Variants in FARP1 observed in about 807,000 individuals in gnomAD.
The protein encoded by FARP1 is FERM, ARHGEF and pleckstrin domain-containing protein 1.
A neutral mutation model predicts 128.8 loss-of-function variants in FARP1; 52 were observed. The observed-to-expected ratio is 0.40, with a 90% CI of 0.32 to 0.51. FARP1 has a LOEUF of 0.51. FARP1 is among the 20% of genes least tolerant of loss of function. FARP1 has a pLI of 0.45. For synonymous variants in FARP1, 580 were observed against 551.8 expected, an observed-to-expected ratio of 1.05 and a Z score of -0.72; for missense variants, 1,333 against 1,367.9, an observed-to-expected ratio of 0.97 and a Z score of 0.40.
At chr13:98,303,656 G>A (rs1365731494) in intron 2 of FARP1, among the ~76,000 whole-genome samples, 1 of 152,124 alleles carries the variant, frequency 6.6e-6, no homozygotes, top group Non-Finnish European at 1.5e-5. Flanking sequence ...ACATACAAAT[G>A]GCTTCATGGC....
At chr13:98,430,348 G>A (rs9554468) in intron 17 of FARP1, among the ~76,000 whole-genome samples, 45,624 of 152,164 alleles carry the variant, frequency 0.3, 7,296 homozygotes, top group Non-Finnish European at 0.35. Flanking sequence ...AAGCAAACTC[G>A]GTTTTTGTGT....
intron 2 of FARP1, among the ~76,000 whole-genome samples, chr13:98,256,265 T>A (rs774796172): frequency 2.0e-5 from 3 of 152,242 alleles, no homozygotes; most frequent in Non-Finnish European, 2.9e-5. Flanking sequence ...TTTTAGGTAA[T>A]GAATCAGTAT....
intron 1 of FARP1, among the ~76,000 whole-genome samples, chr13:98,165,550 A>G (rs1220361254): frequency 1.3e-5 from 2 of 152,002 alleles, no homozygotes; most frequent in African/African-American, 4.8e-5. Context: ...TGTTACACAA[A>G]TAATGAAAAT....
At chr13:98,419,707 G>A (rs1199569605) in intron 16 of FARP1, among the ~76,000 whole-genome samples, 1 of 152,102 alleles carries the variant, frequency 6.6e-6, no homozygotes, top group Non-Finnish European at 1.5e-5. Flanking sequence ...GAATAGTGAG[G>A]ACAATGATGT....
rs557362671 is a variant in FARP1 at position 98,449,267 on chromosome 13, A to C, written c.*950A>C. ...GTCGTTATTCCTATATCCTCCTGCA[A>C]CTGTGGTTTGAAACTGCGCATTCTC... On this transcript the variant is annotated 3_prime_UTR_variant, in exon 27 of 27. Coordinates refer to ENST00000319562, the MANE Select transcript of FARP1 (RefSeq NM_005766.4). 6.6e-6 allele frequency: 1 copy of C among 152,216 alleles called. No individual in the cohort carries two copies. Among genetic ancestry groups the C allele is most frequent in the East Asian group, 1.9e-4 (1 of 5,196 alleles). The allele number at this position is 152,216 out of a possible 1,614,324, so 9.4% of individuals were successfully genotyped here. A position where few individuals can be genotyped will look rare whatever the true frequency, so the allele number is the denominator to read the frequency against.
intron 2 of FARP1, among the ~76,000 whole-genome samples, chr13:98,249,148 G>A (rs1161315005): frequency 3.9e-5 from 6 of 152,118 alleles, no homozygotes; most frequent in African/African-American, 7.2e-5. Flanking sequence ...TAGTTCAGTG[G>A]TGACCATGTA....
chr13:98,162,119 G>A (rs1232184655), intron 1 of FARP1, among the ~76,000 whole-genome samples: 1 of 152,062 alleles, frequency 6.6e-6, no homozygotes, highest in East Asian at 1.9e-4. Context: ...TTTTCTCACT[G>A]GCACTTGGAG....
chr13:98,341,724 A>G (rs1412435579), intron 2 of FARP1, among the ~76,000 whole-genome samples: 3 of 152,242 alleles, frequency 2.0e-5, no homozygotes, highest in African/African-American at 4.8e-5. Context: ...TTTGATCTAT[A>G]TGGTGGAATT....
intron 2 of FARP1, among the ~76,000 whole-genome samples, chr13:98,332,180 T>C (rs993290838): frequency 2.0e-5 from 3 of 152,152 alleles, no homozygotes; most frequent in African/African-American, 7.2e-5. Flanking sequence ...TCCAGAACTT[T>C]TTCATCTTCC....
chr13:98,203,744 G>A (rs1425983591), intron 1 of FARP1: 1 of 152,174 alleles, frequency 6.6e-6, no homozygotes, highest in Non-Finnish European at 1.5e-5. Context: ...GTTTTCATTT[G>A]TCCTGGGAAG....
At chr13:98,363,966 TCC>T (rs1240688398) in intron 3 of FARP1, among the ~76,000 whole-genome samples, 5 of 152,304 alleles carry the variant, frequency 3.3e-5, no homozygotes, top group Admixed American at 2.6e-4. Context: ...GGTCTCGAAC[TCC>T]TGACCTTGTG....
intron 2 of FARP1, chr13:98,334,037 A>G (rs1370173948): frequency 6.6e-6 from 1 of 152,210 alleles, no homozygotes; most frequent in Non-Finnish European, 1.5e-5. Flanking sequence ...GGCATGGTGT[A>G]TACTAAGTCG....
intron 1 of FARP1, among the ~76,000 whole-genome samples, chr13:98,162,365 C>T (rs1468234239): frequency 2.0e-5 from 3 of 152,138 alleles, no homozygotes; most frequent in South Asian, 2.1e-4. Context: ...GCCTTCTCAT[C>T]GATGTGCAGA....
At chr13:98,216,700 A>C (rs537429186) in intron 2 of FARP1, among the ~76,000 whole-genome samples, 1 of 152,252 alleles carries the variant, frequency 6.6e-6, no homozygotes, top group Admixed American at 6.5e-5. Context: ...TTGTACCCTA[A>C]AAAAATTATT....
chr13:98,172,126 T>C (rs565268189), intron 1 of FARP1, among the ~76,000 whole-genome samples: 26 of 152,210 alleles, frequency 1.7e-4, no homozygotes, highest in Non-Finnish European at 1.9e-4. Context: ...CTCTGCTGTT[T>C]GTTGGGCGGG....
At chr13:98,415,602 G>A (rs767456790) in intron 16 of FARP1, among the ~76,000 whole-genome samples, 4 of 152,196 alleles carry the variant, frequency 2.6e-5, no homozygotes, top group Non-Finnish European at 5.9e-5. Flanking sequence ...GTCATGGAGC[G>A]TTGCTGCCAG....
At chr13:98,232,708 T>G (rs954805369) in intron 2 of FARP1, among the ~76,000 whole-genome samples, 2 of 152,248 alleles carry the variant, frequency 1.3e-5, no homozygotes, top group African/African-American at 4.8e-5. Context: ...TTTGTGTGAC[T>G]CATTTTATTG....
At chr13:98,387,619 G>C (rs182997525) in intron 8 of FARP1, among the ~76,000 whole-genome samples, 4 of 152,218 alleles carry the variant, frequency 2.6e-5, no homozygotes, top group Non-Finnish European at 4.4e-5. Context: ...GCAGATGGGA[G>C]TTGGTATCCG....
chr13:98,225,728 C>T (rs555225135), intron 2 of FARP1, among the ~76,000 whole-genome samples: 1 of 152,372 alleles, frequency 6.6e-6, no homozygotes, highest in South Asian at 2.1e-4. Flanking sequence ...GCCAACCGGG[C>T]TGTTAGAGTC....
Sources: allele counts gnomAD v4.1 joint callset (sites outside exome capture counted in the v4.1 genomes callset), GRCh38; gene constraint gnomAD v4.1.1; transcripts MANE v1.5; gene names NCBI Gene and HGNC (gene_info 2026-07-23, HGNC 2026-07-21).